Variants in ABCA9 observed in about 807,000 individuals in gnomAD.
ABCA9 encodes ATP binding cassette subfamily A member 9, also known as ATP-binding cassette sub-family A member 9.
In ABCA9, 183 loss-of-function variants were observed where a neutral mutation model predicts 205.3. The observed-to-expected ratio is 0.89, with a 90% CI of 0.79 to 1.01. The LOEUF (loss-of-function observed/expected upper bound fraction) is 1.01. Among genes scored for constraint, ABCA9 ranks in the 50% least tolerant of loss-of-function variants. The pLI is 0.00. For synonymous variants in ABCA9, 651 were observed against 683.3 expected (o/e 0.95, Z 0.74); for missense variants, 1,805 against 1,912.4 (o/e 0.94, Z 1.05).
At chr17:69,068,834 G>A in the ABCA9 span, among the ~76,000 whole-genome samples, 1 of 152,136 alleles carries the variant, frequency 6.6e-6, no homozygotes, top group Non-Finnish European at 1.5e-5. Context: ...TGACTAATGT[G>A]TGCAGGGGGC....
intron 8 of ABCA9, 193 bp downstream of exon 8, chr17:69,035,053 T>C (rs1035339151): frequency 7.4e-6 from 3 of 406,420 alleles, no homozygotes; most frequent in East Asian, 7.8e-5. Context: ...AATAAGGGTA[T>C]GATCCTATAT....
At chr17:69,013,581 T>TACTC (rs1196907321) in intron 22 of ABCA9, among the ~76,000 whole-genome samples, 2 of 152,276 alleles carry the variant, frequency 1.3e-5, no homozygotes, top group Admixed American at 6.5e-5. Context: ...CCAGCTTCCT[T>TACTC]ACTCATGACT....
At chr17:68,997,867 CA>C (rs2069686504) in intron 25 of ABCA9, among the ~76,000 whole-genome samples, 1 of 152,074 alleles carries the variant, frequency 6.6e-6, no homozygotes, top group Non-Finnish European at 1.5e-5. Context: ...TAGGTTTGGA[CA>C]AATTTTTAAT....
the ABCA9 span, among the ~76,000 whole-genome samples, chr17:69,068,819 G>A: frequency 6.6e-6 from 1 of 152,162 alleles, no homozygotes; most frequent in Non-Finnish European, 1.5e-5. Context: ...AACTAATGAT[G>A]ATAATGACTA....
chr17:68,983,764 C>G lies in ABCA9; in HGVS notation c.4585G>C (p.Glu1529Gln), dbSNP rs1228110078. ...EMKLKNLAQM[E>Q]PLHAEILRLF... Reference sequence around the variant, plus strand: ...CTCAGGATCTCTGCATGGAGGGGCTCCATTTGTGCCAGGTTCTTCAGCTTC... The same window carrying G: ...CTCAGGATCTCTGCATGGAGGGGCTGCATTTGTGCCAGGTTCTTCAGCTTC... The change falls in exon 36 of 39, where the codon GAG (glutamate) becomes CAG (glutamine). Residue 1529 changes from glutamate (E) to glutamine (Q), a missense_variant. By Grantham distance (29) the Glu-to-Gln change is conservative. Coordinates refer to ENST00000340001, the MANE Select transcript of ABCA9 (RefSeq NM_080283.4). 1 of 1,614,196 alleles carries G rather than the reference C, an allele frequency of 6.2e-7. No homozygotes were observed. The highest frequency in any genetic ancestry group is 8.5e-7 in the Non-Finnish European group (1 of 1,180,028).
At chr17:69,074,774 C>A in the ABCA9 span, among the ~76,000 whole-genome samples, 1 of 152,000 alleles carries the variant, frequency 6.6e-6, no homozygotes, top group East Asian at 1.9e-4. Context: ...AGTTTGTGTG[C>A]ATTTTCCTTT....
chr17:69,036,941 C>T (rs2071362805), intron 6 of ABCA9, among the ~76,000 whole-genome samples: 1 of 108,744 alleles, frequency 9.2e-6, no homozygotes, highest in Admixed American at 9.7e-5. Context: ...AGACTTTAAA[C>T]CAACAAAGAT....
intron 22 of ABCA9, among the ~76,000 whole-genome samples, chr17:69,015,138 G>A (rs912616982): frequency 6.6e-6 from 1 of 150,580 alleles, no homozygotes; most frequent in Admixed American, 6.6e-5. Context: ...TGAGAGCTAG[G>A]ACACCCTCCC....
At chr17:68,995,773 C>A in intron 26 of ABCA9, 122 bp downstream of exon 26, 1 of 1,299,028 alleles carries the variant, frequency 7.7e-7, no homozygotes, top group East Asian at 2.3e-5. Context: ...AACTGACTTT[C>A]CAAAGACAGA....
At chr17:68,986,119 C>T (rs1259433539) in intron 32 of ABCA9, 45 bp downstream of exon 32, 2 of 1,546,198 alleles carry the variant, frequency 1.3e-6, no homozygotes, top group Non-Finnish European at 1.7e-6. Flanking sequence ...GTTATTAATA[C>T]AACATCCCCT....
At chr17:69,038,002 C>T (rs2071405006) in intron 6 of ABCA9, among the ~76,000 whole-genome samples, 1 of 152,074 alleles carries the variant, frequency 6.6e-6, no homozygotes, top group African/African-American at 2.4e-5. Flanking sequence ...CCTACAACCT[C>T]CCAAGACTAA....
At chr17:68,985,186 A>C (rs912110817) in intron 32 of ABCA9, 58 bp from the exon 33 acceptor site, 8 of 1,605,592 alleles carry the variant, frequency 5.0e-6, no homozygotes, top group Non-Finnish European at 6.8e-6. Flanking sequence ...ACATGGGAGA[A>C]TGAGCAAATC....
chr17:69,012,281 A>G, intron 22 of ABCA9, 198 bp from the exon 23 acceptor site: 1 of 465,896 alleles, frequency 2.1e-6, no homozygotes, highest in Non-Finnish European at 3.8e-6. Flanking sequence ...ACGTAGCCTG[A>G]TTTACTTATG....
At chr17:68,991,154 T>C (rs924835515) in intron 28 of ABCA9, among the ~76,000 whole-genome samples, 197 bp from the exon 29 acceptor site, 1 of 152,298 alleles carries the variant, frequency 6.6e-6, no homozygotes, top group Admixed American at 6.5e-5. Context: ...TATCCTTATA[T>C]CATCTTCGCT....
In ABCA9 at chr17:68,983,667, CA is replaced by C. The variant is rs2069134469; in HGVS notation, c.4640+41del. The C allele has an allele frequency of 5.0e-6, 8 of 1,602,276 alleles. No individual in the cohort carries two copies. In the East Asian group the frequency reaches 1.6e-4, roughly 31 times the overall value. ...CGTCATCATAGCAGAAATATGGAAA[CA>C]AAAACCAAGGACTGTGATAAAACAA... On this transcript the variant is annotated intron_variant, in intron 36 of 38. Transcript: ENST00000340001.
At chr17:69,059,634 ACT>A (rs1007463925) in intron 1 of ABCA9, among the ~76,000 whole-genome samples, 10 of 150,678 alleles carry the variant, frequency 6.6e-5, no homozygotes, top group African/African-American at 2.5e-4. Flanking sequence ...TAAGATGATA[ACT>A]CTGTTTTGTT....
chr17:69,061,080 T>G (rs1237060548), upstream of ABCA9: 2 of 985,336 alleles, frequency 2.0e-6, no homozygotes, highest in African/African-American at 3.5e-5. Flanking sequence ...CGTGGTGATT[T>G]CTTTGCTGTT....
intron 22 of ABCA9, among the ~76,000 whole-genome samples, chr17:69,014,328 T>A (rs2070501134): frequency 6.6e-6 from 1 of 152,042 alleles, no homozygotes; most frequent in South Asian, 2.1e-4. Context: ...AATAAAAATA[T>A]CTTCAGGCTC....
At chr17:69,006,258 C>T (rs1260174790) in intron 25 of ABCA9, among the ~76,000 whole-genome samples, 1 of 152,194 alleles carries the variant, frequency 6.6e-6, no homozygotes, top group African/African-American at 2.4e-5. Flanking sequence ...AAGTTGAATA[C>T]ATTGTGACCT....
Sources: allele counts gnomAD v4.1 joint callset (sites outside exome capture counted in the v4.1 genomes callset), GRCh38; gene constraint gnomAD v4.1.1; transcripts MANE v1.5; gene names NCBI Gene and HGNC (gene_info 2026-07-23, HGNC 2026-07-21).